Variants in KIAA0586 observed in about 807,000 individuals in gnomAD.
KIAA0586 encodes protein TALPID3.
Under a neutral mutation model 169.8 loss-of-function variants are expected in KIAA0586, and 144 were observed. The observed-to-expected ratio is 0.85, with a 90% CI of 0.74 to 0.97. The LOEUF (loss-of-function observed/expected upper bound fraction) is 0.97, where lower values mean the gene tolerates loss of function less well. Ranked by LOEUF, KIAA0586 falls within the 50% of genes least tolerant of loss-of-function variation. The probability of loss-of-function intolerance (pLI) is 0.00; values close to 1 mark genes in which losing one functional copy is unlikely to be tolerated. For synonymous variants in KIAA0586, 625 were observed against 612.4 expected, an observed-to-expected ratio of 1.02 and a Z score of -0.30; for missense variants, 1,854 against 1,823.0, an observed-to-expected ratio of 1.02 and a Z score of -0.31.
intron 17 of KIAA0586, 115 bp downstream of exon 17, chr14:58,470,838 G>A: frequency 1.7e-6 from 1 of 583,856 alleles, no homozygotes; most frequent in South Asian, 2.1e-5. Flanking sequence ...TTTAGATTTT[G>A]AAGAAAAGAT....
In KIAA0586 at chr14:58,428,131, A is replaced by G. The variant is rs1044695531; in HGVS notation, c.-134A>G. 7 of 1,469,178 alleles carry G rather than the reference A, an allele frequency of 4.8e-6. No homozygotes were observed. Among genetic ancestry groups the G allele is most frequent in the Non-Finnish European group, 6.3e-6 (7 of 1,114,614 alleles). 91.0% of individuals were successfully genotyped at this position (1,469,178 alleles called of 1,614,324 possible). On this transcript the variant is annotated 5_prime_UTR_variant, in exon 1 of 31. Transcript: ENST00000652326. ...TCCTGGATTCAATATCAGAATTTAG[A>G]TTTTCAGCTTTGTGGATGTTCGACA...
intron 26 of KIAA0586, among the ~76,000 whole-genome samples, chr14:58,498,446 G>C (rs938658892): frequency 8.6e-5 from 13 of 151,156 alleles, no homozygotes; most frequent in African/African-American, 3.2e-4. Context: ...AAAGTGCTAG[G>C]ATTATAGGCA....
chr14:58,514,548 C>T (rs980156595), intron 29 of KIAA0586, among the ~76,000 whole-genome samples: 5 of 151,988 alleles, frequency 3.3e-5, no homozygotes, highest in Admixed American at 1.3e-4. Context: ...TTTTAATGAT[C>T]ATCCATTAAA....
chr14:58,556,046 A>G (rs183562918), downstream of KIAA0586, among the ~76,000 whole-genome samples: 77 of 152,310 alleles, frequency 5.1e-4, no homozygotes, highest in Non-Finnish European at 8.8e-4. Flanking sequence ...TGTCTTTACC[A>G]TTTTTAGTAG....
At chr14:58,464,057 T>C (rs564026357) in intron 14 of KIAA0586, 8 of 432,948 alleles carry the variant, frequency 1.8e-5, no homozygotes, top group South Asian at 1.1e-4. Flanking sequence ...ATTGATGATA[T>C]GAGTAGTCAC....
At chr14:58,463,253 C>A (rs2040481131) in intron 14 of KIAA0586, among the ~76,000 whole-genome samples, 1 of 152,276 alleles carries the variant, frequency 6.6e-6, no homozygotes, top group Admixed American at 6.5e-5. Flanking sequence ...CCATATTGTT[C>A]TTCATGGCAC....
chr14:58,499,689 G>C (rs1466940611), intron 27 of KIAA0586, among the ~76,000 whole-genome samples: 2 of 152,078 alleles, frequency 1.3e-5, no homozygotes, highest in Non-Finnish European at 2.9e-5. Flanking sequence ...CTCCCGAGTA[G>C]CTGGGATTAC....
At chr14:58,481,179 T>A (rs562116912) in intron 20 of KIAA0586, among the ~76,000 whole-genome samples, 23 of 152,356 alleles carry the variant, frequency 1.5e-4, no homozygotes, top group African/African-American at 4.6e-4. Context: ...GTCTACCCAC[T>A]TTTTAGGGAA....
At chr14:58,538,568 C>CA (rs1194234981) in intron 29 of KIAA0586, among the ~76,000 whole-genome samples, 1 of 151,874 alleles carries the variant, frequency 6.6e-6, no homozygotes, top group Non-Finnish European at 1.5e-5. Flanking sequence ...CTTTGTGTTA[C>CA]AAACAATCCA....
rs531773242 is a variant in KIAA0586, at chr14:58,440,177, C to T, written c.411-2529C>T. Reference sequence around the variant, plus strand: ...GGATTACAGGCATGTAGCACTACACCCACCTAATTCAGGCTTCTTAATAAT... The same window carrying T: ...GGATTACAGGCATGTAGCACTACACTCACCTAATTCAGGCTTCTTAATAAT... On this transcript the variant is annotated intron_variant, in intron 4 of 30. Coordinates refer to ENST00000652326, the MANE Select transcript of KIAA0586 (RefSeq NM_001329943.3). 108 of 447,756 alleles carry T rather than the reference C, an allele frequency of 2.4e-4. 1 individual carries two copies. Among genetic ancestry groups the T allele is most frequent in the South Asian group, 1.6e-3 (103 of 64,240 alleles). The allele number at this position is 447,756 out of a possible 1,614,324, so 27.7% of individuals were successfully genotyped here.
intron 14 of KIAA0586, among the ~76,000 whole-genome samples, chr14:58,463,205 A>G (rs1427751575): frequency 6.6e-6 from 1 of 152,140 alleles, no homozygotes; most frequent in Non-Finnish European, 1.5e-5. Flanking sequence ...ATTCTATTCA[A>G]AGAATTATCT....
At chr14:58,503,295 A>G (rs1458204564) in intron 27 of KIAA0586, among the ~76,000 whole-genome samples, 1 of 152,200 alleles carries the variant, frequency 6.6e-6, no homozygotes, top group Admixed American at 6.5e-5. Context: ...ATAAATAACA[A>G]TTATAATATT....
At chr14:58,511,060 T>C (rs2044350510) in intron 28 of KIAA0586, among the ~76,000 whole-genome samples, 1 of 152,178 alleles carries the variant, frequency 6.6e-6, no homozygotes, top group South Asian at 2.1e-4. Context: ...ATTGTGGTGA[T>C]GGTTTCATGG....
intron 30 of KIAA0586, among the ~76,000 whole-genome samples, chr14:58,546,402 ACTGTGGCCC>A (rs1595561684): frequency 6.6e-6 from 1 of 152,314 alleles, no homozygotes; most frequent in East Asian, 1.9e-4. Context: ...GTCTAATTAT[ACTGTGGCCC>A]CTATAAAAAT....
intron 29 of KIAA0586, among the ~76,000 whole-genome samples, chr14:58,535,819 A>G (rs2046250720): frequency 6.6e-6 from 1 of 151,830 alleles, no homozygotes; most frequent in African/African-American, 2.4e-5. Flanking sequence ...CGTCCCTTTA[A>G]AAATTTATGT....
At chr14:58,553,231 A>G (rs546932658), downstream of KIAA0586, among the ~76,000 whole-genome samples, 90 of 152,364 alleles carry the variant, frequency 5.9e-4, 1 homozygote, top group African/African-American at 2.1e-3. Context: ...TCTAAAGTAT[A>G]TAGAAGATGT....
At chr14:58,444,747 A>G (rs2038710159) in intron 6 of KIAA0586, among the ~76,000 whole-genome samples, 1 of 151,794 alleles carries the variant, frequency 6.6e-6, no homozygotes, top group Non-Finnish European at 1.5e-5. Flanking sequence ...CTTATATCAT[A>G]TTGCAACTAT....
At chr14:58,441,896 A>G (rs891844283) in intron 4 of KIAA0586, 2 of 152,442 alleles carry the variant, frequency 1.3e-5, no homozygotes, top group African/African-American at 2.4e-5. Context: ...GGCCTCCCAA[A>G]GTGCTAGCGT....
chr14:58,456,668 T>C (rs1261714382), intron 9 of KIAA0586, 34 bp from the exon 10 acceptor site: 1 of 1,243,046 alleles, frequency 8.0e-7, no homozygotes, highest in Non-Finnish European at 1.1e-6. Flanking sequence ...TTTTCAAAAA[T>C]CTTCTGTAGC....
Sources: gnomAD v4.1 joint callset for allele counts (sites outside exome capture counted in the v4.1 genomes callset) on GRCh38, gnomAD v4.1.1 for gene constraint, MANE v1.5 for transcripts, NCBI Gene and HGNC (gene_info 2026-07-23, HGNC 2026-07-21) for gene names.